Variants in PCDHGA8 observed in about 807,000 individuals in gnomAD.
The protein encoded by PCDHGA8 is protocadherin gamma subfamily A, 8.
PCDHGA8 carries 45 observed loss-of-function variants against 59.2 expected under a neutral mutation model. The observed-to-expected ratio is 0.76, with a 90% CI of 0.60 to 0.98. The LOEUF is 0.98. Ranked by LOEUF, PCDHGA8 falls within the 50% of genes least tolerant of loss-of-function variation. The pLI is 0.00. For missense variants in PCDHGA8, 1,257 were observed against 1,196.2 expected (o/e 1.05, Z -0.75); for synonymous variants, 531 against 519.0 (o/e 1.02, Z -0.32).
intron 1 of PCDHGA8, among the ~76,000 whole-genome samples, chr5:141,450,093 G>A (rs1330425383): frequency 2.8e-5 from 4 of 143,748 alleles, no homozygotes; most frequent in East Asian, 2.1e-4. Context: ...TGCAACCTCC[G>A]CCTCCCAGGT....
At chr5:141,409,979 G>T in intron 1 of PCDHGA8, 1 of 1,613,348 alleles carries the variant, frequency 6.2e-7, no homozygotes, top group Non-Finnish European at 8.5e-7. Flanking sequence ...TAAGGTGGTA[G>T]CGGTGGACGC....
At position 141,419,726 on chromosome 5, in the gene PCDHGA8, A is replaced by AC. The variant is rs757890106; in HGVS notation, c.2424+24490dup. On this transcript the variant is annotated intron_variant, in intron 1 of 3. Coordinates refer to ENST00000398604, the MANE Select transcript of PCDHGA8 (RefSeq NM_032088.2). ...CGGGCTCTTCAGCCTGGGGCTGCGA[A>AC]CAGGCGAGGTGCGCATGGTGCGTGC... 3.1e-6 allele frequency: 5 copies of AC among 1,613,402 alleles called. No individual in the cohort carries two copies. The Admixed American group carries it at 8.3e-5, about 27-fold the overall frequency.
At chr5:141,408,214 C>CT (rs1471079476) in intron 1 of PCDHGA8, 1 of 1,555,074 alleles carries the variant, frequency 6.4e-7, no homozygotes. Flanking sequence ...TGGGAGGGAG[C>CT]TGCGCGCAGA....
rs62378448 is a variant in PCDHGA8, at chr5:141,400,064, G to C, written c.2424+4827G>C. On this transcript the variant is annotated intron_variant, in intron 1 of 3. Transcript: ENST00000398604. ...CTGCTGGTTGCTGTGCGTGATGGTG[G>C]ACAGCCGCCACTCTCCGCCACCGCC... The C allele has an allele frequency of 7.6e-4, 1,225 of 1,613,770 alleles. No homozygotes were observed. The highest frequency in any genetic ancestry group is 9.7e-4 in the Non-Finnish European group (1,150 of 1,179,858).
chr5:141,408,842 G>A, intron 1 of PCDHGA8: 1 of 1,613,598 alleles, frequency 6.2e-7, no homozygotes, highest in African/African-American at 1.3e-5. Flanking sequence ...GATATTGACT[G>A]CCTTGGACGG....
intron 1 of PCDHGA8, chr5:141,415,978 C>A: frequency 5.7e-6 from 2 of 353,430 alleles, no homozygotes; most frequent in Non-Finnish European, 9.4e-6. Flanking sequence ...CTTAAGCAAC[C>A]CTCTTGTTCT....
Position 141,491,300 on chromosome 5 carries a change from G to T in PCDHGA8, c.2425-3507G>T. On this transcript the variant is annotated intron_variant, in intron 1 of 3. Coordinates refer to ENST00000398604, the MANE Select transcript of PCDHGA8 (RefSeq NM_032088.2). The surrounding 1 kb of genome is among the most constrained non-coding windows in gnomAD (Gnocchi z 6.9). Reference sequence around the variant, plus strand: ...GACTTCCTCATACACCCTCCTGAGCGTTCAGACCTTACCCTTTACCTCATT... The same window carrying T: ...GACTTCCTCATACACCCTCCTGAGCTTTCAGACCTTACCCTTTACCTCATT... The T allele has an allele frequency of 6.2e-7, 1 of 1,614,136 alleles. No homozygotes were observed. The highest frequency in any genetic ancestry group is 8.5e-7 in the Non-Finnish European group (1 of 1,179,962).
rs2099694486 is a variant in PCDHGA8 at position 141,489,987 on chromosome 5, G to A, written c.2425-4820G>A. The A allele has an allele frequency of 1.2e-6, 2 of 1,614,106 alleles. No homozygotes were observed. The highest frequency in any genetic ancestry group is 1.3e-5 in the African/African-American group (1 of 74,932). The stretch of plus-strand genomic sequence containing the variant: ...CCTTCCAATCCTCAGTTCTACGTGT[G>A]GGAATCCCAGAGAATGCACCCATTG... On this transcript the variant is annotated intron_variant, in intron 1 of 3. Coordinates refer to ENST00000398604, the MANE Select transcript of PCDHGA8 (RefSeq NM_032088.2). The surrounding 1 kb of genome is among the most constrained non-coding windows in gnomAD (Gnocchi z 4.5).
At chr5:141,410,047 A>G in intron 1 of PCDHGA8, 1 of 1,612,420 alleles carries the variant, frequency 6.2e-7, no homozygotes. Flanking sequence ...GTGAGCCCGG[A>G]CTCTTCAGCC....
At chr5:141,440,113 G>A (rs1375262224) in intron 1 of PCDHGA8, 1 of 152,248 alleles carries the variant, frequency 6.6e-6, no homozygotes, top group Non-Finnish European at 1.5e-5. Context: ...ACTTACTTGT[G>A]AATGACTGAA....
At chr5:141,492,404 T>C (rs944864208) in intron 1 of PCDHGA8, among the ~76,000 whole-genome samples, 9 of 152,316 alleles carry the variant, frequency 5.9e-5, no homozygotes, top group African/African-American at 1.9e-4. Context: ...GCAGCTCCCC[T>C]CTGCCGCTCC....
At chr5:141,458,485 A>G (rs2098946793) in intron 1 of PCDHGA8, among the ~76,000 whole-genome samples, 1 of 151,558 alleles carries the variant, frequency 6.6e-6, no homozygotes, top group Non-Finnish European at 1.5e-5. Context: ...GAAAATGAGG[A>G]CTGCCTGTAC....
At chr5:141,411,846 T>C (rs962000304) in intron 1 of PCDHGA8, 1 of 151,734 alleles carries the variant, frequency 6.6e-6, no homozygotes, top group African/African-American at 2.4e-5. Context: ...GGTGACAGAG[T>C]GAGACCCTGT....
chr5:141,393,724 C>T lies in PCDHGA8; in HGVS notation c.911C>T (p.Ala304Val), dbSNP rs959974182. The change falls in exon 1 of 4, where the codon GCA (alanine) becomes GTA (valine). Residue 304 changes from alanine to valine, a missense_variant. Physicochemically the swap from Ala to Val is moderately conservative, Grantham distance 64. Transcript: ENST00000398604. ...LNENTGEISI[A>V]KSLDYEECSF... is the part of the protein sequence containing the mutation. ...GAAAATACTGGGGAAATATCAATAGCAAAAAGTCTAGATTATGAAGAATGT... is the reference window on the plus strand; with the variant it reads ...GAAAATACTGGGGAAATATCAATAGTAAAAAGTCTAGATTATGAAGAATGT... The T allele has an allele frequency of 6.2e-7, 1 of 1,613,570 alleles. No individual in the cohort carries two copies. Among genetic ancestry groups the T allele is most frequent in the Non-Finnish European group, 8.5e-7 (1 of 1,179,812 alleles).
Position 141,393,050 on chromosome 5 carries a change from G to A in PCDHGA8, c.237G>A (p.Pro79=), listed in dbSNP as rs1270447503. 1.2e-6 allele frequency: 2 copies of A among 1,613,668 alleles called. No homozygotes were observed. Among genetic ancestry groups the A allele is most frequent in the East Asian group, 2.2e-5 (1 of 44,876 alleles). ...RGRTQLFALN[P]RSGSLITAGR... is the part of the protein sequence containing the mutation. ...GGACGCAGCTCTTTGCTCTGAACCC[G>A]CGCAGCGGCAGCTTGATCACCGCGG... The change falls in exon 1 of 4, where the codon CCG becomes CCA. Residue 79 remains proline, a synonymous_variant. Transcript: ENST00000398604.
At position 141,490,502 on chromosome 5, in the gene PCDHGA8, T is replaced by C. The variant is rs1408615048; in HGVS notation, c.2425-4305T>C. On this transcript the variant is annotated intron_variant, in intron 1 of 3. Transcript: ENST00000398604. The surrounding 1 kb of genome is among the most constrained non-coding windows in gnomAD (Gnocchi z 5.4). Reference sequence around the variant, plus strand: ...GACCGGGAGGCCACATCCCACTATATCATCGAGCTGCTGGCCAGCGATGCT... The same window carrying C: ...GACCGGGAGGCCACATCCCACTATACCATCGAGCTGCTGGCCAGCGATGCT... 1.2e-6 allele frequency: 2 copies of C among 1,614,094 alleles called. No individual in the cohort carries two copies. The highest frequency in any genetic ancestry group is 1.1e-5 in the South Asian group (1 of 91,076).
Position 141,432,562 on chromosome 5 carries a change from C to G in PCDHGA8, c.2424+37325C>G. On this transcript the variant is annotated intron_variant, in intron 1 of 3. Coordinates refer to ENST00000398604, the MANE Select transcript of PCDHGA8 (RefSeq NM_032088.2). The surrounding 1 kb of genome is among the most constrained non-coding windows in gnomAD (Gnocchi z 6.0). ...CGGTGGACAGAGACTCCGGCCAGAA[C>G]GCCTGGCTGTCCTACCGTCTGCTCA... 1 of 1,613,964 alleles carries G rather than the reference C, an allele frequency of 6.2e-7. No homozygotes were observed. Among genetic ancestry groups the G allele is most frequent in the Non-Finnish European group, 8.5e-7 (1 of 1,180,004 alleles).
chr5:141,408,924 T>G, intron 1 of PCDHGA8: 1 of 1,612,706 alleles, frequency 6.2e-7, no homozygotes. Flanking sequence ...AACCCCCCGG[T>G]TTTCAGCAGA....
intron 1 of PCDHGA8, among the ~76,000 whole-genome samples, chr5:141,429,812 A>G (rs2097246172): frequency 6.6e-6 from 1 of 152,226 alleles, no homozygotes; most frequent in South Asian, 2.1e-4. Context: ...AGTAATTACA[A>G]TTAGGTCAGT....
Sources: allele counts gnomAD v4.1 joint callset (sites outside exome capture counted in the v4.1 genomes callset), GRCh38; gene constraint gnomAD v4.1.1; non-coding constraint Gnocchi (gnomAD v3.1); transcripts MANE v1.5; gene names NCBI Gene and HGNC (gene_info 2026-07-23, HGNC 2026-07-21).